Variants in PDXK observed in about 807,000 individuals in gnomAD.
The protein encoded by PDXK is epididymis secretory sperm binding protein Li 1a.
In PDXK, 15 loss-of-function variants were observed where a neutral mutation model predicts 43.2. That is an observed-to-expected ratio of 0.35 (90% CI 0.23 to 0.53). The LOEUF is 0.53. PDXK is among the 20% of genes least tolerant of loss of function. The probability of loss-of-function intolerance (pLI) is 0.92; values close to 1 mark genes in which losing one functional copy is unlikely to be tolerated. For synonymous variants in PDXK, 172 were observed against 165.4 expected, an observed-to-expected ratio of 1.04 and a Z score of -0.31; for missense variants, 343 against 417.0, an observed-to-expected ratio of 0.82 and a Z score of 1.54.
intron 1 of PDXK, among the ~76,000 whole-genome samples, chr21:43,729,328 C>T (rs1356698133): frequency 6.6e-6 from 1 of 152,222 alleles, no homozygotes; most frequent in African/African-American, 2.4e-5. Flanking sequence ...CGTGCTGTCG[C>T]GGGGGCTCCG....
chr21:43,747,798 C>T (rs998746653), intron 5 of PDXK, among the ~76,000 whole-genome samples: 1 of 152,240 alleles, frequency 6.6e-6, no homozygotes, highest in African/African-American at 2.4e-5. Context: ...ACACGAGCTC[C>T]TGTCTCAGAT....
intron 1 of PDXK, among the ~76,000 whole-genome samples, chr21:43,720,966 C>T (rs534656676): frequency 1.2e-4 from 19 of 152,292 alleles, no homozygotes; most frequent in African/African-American, 2.6e-4. Flanking sequence ...CCCAGTGACT[C>T]GAGGGGTGTC....
At chr21:43,740,700 C>T (rs1275140612) in intron 2 of PDXK, among the ~76,000 whole-genome samples, 1 of 151,880 alleles carries the variant, frequency 6.6e-6, no homozygotes, top group Non-Finnish European at 1.5e-5. Context: ...CTGCCTGGGA[C>T]GGACACTTCA....
Position 43,732,236 on chromosome 21 carries a change from C to T in PDXK, c.88-1833C>T, listed in dbSNP as rs115693395. ...TCCAGAGGCATGGTCCGGCACAGAG[C>T]GCTGGCTTCCAGCTGAAGGACATGT... On this transcript the variant is annotated intron_variant, in intron 1 of 10. Transcript: ENST00000291565. The surrounding 1 kb of genome is among the most constrained non-coding windows in gnomAD (Gnocchi z 4.1). 3,388 of 1,462,772 alleles carry T rather than the reference C, an allele frequency of 2.3e-3. 67 individuals are homozygous for T. The African/African-American group carries it at 0.038, about 17-fold the overall frequency. 90.6% of individuals were successfully genotyped at this position (1,462,772 alleles called of 1,614,324 possible). A position where few individuals can be genotyped will look rare whatever the true frequency, so the allele number is the denominator to read the frequency against.
At chr21:43,750,837 CGT>C (rs200540030) in intron 7 of PDXK, among the ~76,000 whole-genome samples, 2,431 of 146,176 alleles carry the variant, frequency 0.017, 30 homozygotes, top group Middle Eastern at 0.071. Flanking sequence ...CATGTGTGCA[CGT>C]GTGTGTGTGC....
At position 43,732,040 on chromosome 21, in the gene PDXK, T is replaced by A. The variant is rs1237659677; in HGVS notation, c.88-2029T>A. 2.0e-5 allele frequency: 12 copies of A among 601,762 alleles called. No individual in the cohort carries two copies. Among genetic ancestry groups the A allele is most frequent in the Non-Finnish European group, 2.4e-5 (11 of 449,328 alleles). The allele number at this position is 601,762 out of a possible 1,614,324, so 37.3% of individuals were successfully genotyped here. A position where few individuals can be genotyped will look rare whatever the true frequency, so the allele number is the denominator to read the frequency against. ...GGGAAAGCCACAAAGTGGATTCCGC[T>A]GCTGCTATGGGAAGGGACGGTCACT... is the stretch of plus-strand genomic sequence containing the variant. On this transcript the variant is annotated intron_variant, in intron 1 of 10. Transcript: ENST00000291565. The surrounding 1 kb of genome is among the most constrained non-coding windows in gnomAD (Gnocchi z 4.1).
intron 1 of PDXK, chr21:43,728,605 C>T: frequency 1.9e-6 from 1 of 533,848 alleles, no homozygotes. Context: ...GGCTGTCTGC[C>T]TGTCTGCCTC....
At chr21:43,750,288 G>A (rs1320812243) in intron 6 of PDXK, among the ~76,000 whole-genome samples, 1 of 152,262 alleles carries the variant, frequency 6.6e-6, no homozygotes, top group Non-Finnish European at 1.5e-5. Flanking sequence ...CCATGATTGG[G>A]CCTTACGTGA....
Position 43,737,468 on chromosome 21 carries a change from T to A in PDXK, c.142+3345T>A. 2 of 1,067,614 alleles carry A rather than the reference T, an allele frequency of 1.9e-6. No individual in the cohort carries two copies. Among genetic ancestry groups the A allele is most frequent in the Non-Finnish European group, 2.3e-6 (2 of 877,836 alleles). 66.1% of individuals were successfully genotyped at this position (1,067,614 alleles called of 1,614,324 possible). A position where few individuals can be genotyped will look rare whatever the true frequency, so the allele number is the denominator to read the frequency against. On this transcript the variant is annotated intron_variant, in intron 2 of 10. Transcript: ENST00000291565. The surrounding 1 kb of genome is among the most constrained non-coding windows in gnomAD (Gnocchi z 4.8). Reference sequence around the variant, plus strand: ...AGAGGATTTCCTGGAGCTCCCTGTCTGAGCTTCCCGGACTGAGGGCACTGG... The same window carrying A: ...AGAGGATTTCCTGGAGCTCCCTGTCAGAGCTTCCCGGACTGAGGGCACTGG...
intron 6 of PDXK, among the ~76,000 whole-genome samples, chr21:43,749,854 C>T (rs1236209963): frequency 2.0e-5 from 3 of 152,192 alleles, no homozygotes; most frequent in East Asian, 1.9e-4. Context: ...CTGTCTGATA[C>T]CGAGTTTGAA....
rs1353399959 is a variant in PDXK at position 43,756,438 on chromosome 21, G to GC, written c.*376dup. 1.0e-5 allele frequency: 2 copies of GC among 194,530 alleles called. No homozygotes were observed. The highest frequency in any genetic ancestry group is 4.7e-5 in the African/African-American group (2 of 42,490). 12.1% of individuals were successfully genotyped at this position (194,530 alleles called of 1,614,324 possible). ...GCCACTACCGTACAGAGGCCGTGTC[G>GC]CGCTGGGCTGGGCCTGGGTGGCCTC... On this transcript the variant is annotated 3_prime_UTR_variant, in exon 11 of 11. Transcript: ENST00000291565.
intron 1 of PDXK, among the ~76,000 whole-genome samples, 200 bp from the exon 2 acceptor site, chr21:43,733,869 C>T (rs976181407): frequency 6.6e-6 from 1 of 152,250 alleles, no homozygotes; most frequent in Non-Finnish European, 1.5e-5. Context: ...TCCAGACACA[C>T]AAGGCCCTGC....
intron 7 of PDXK, among the ~76,000 whole-genome samples, 174 bp from the exon 8 acceptor site, chr21:43,752,344 T>C (rs1403978763): frequency 6.6e-6 from 1 of 152,192 alleles, no homozygotes; most frequent in Non-Finnish European, 1.5e-5. Flanking sequence ...ACCAGGTGGC[T>C]GTCTTCCCTC....
At chr21:43,733,547 T>C in intron 1 of PDXK, 1 of 539,206 alleles carries the variant, frequency 1.9e-6, no homozygotes, top group Non-Finnish European at 2.4e-6. Context: ...CCTCCCTCTC[T>C]GTCCTCACAC....
rs199919907 is a variant in PDXK, at chr21:43,732,405, C to T, written c.88-1664C>T. ...GGGTAGACTCTGGAAGCGTCCAGAC[C>T]AGCTTGCGATGCTGATGAATAAGCT... On this transcript the variant is annotated intron_variant, in intron 1 of 10. Transcript: ENST00000291565. This position sits in a 1 kb window ranked among gnomAD's most constrained non-coding sequence, Gnocchi z 4.1. The T allele has an allele frequency of 4.3e-6, 7 of 1,612,740 alleles. No homozygotes were observed. The African/African-American group carries it at 8.0e-5, about 18-fold the overall frequency.
rs2083425420 is a variant in PDXK, at chr21:43,737,515, G to A, written c.142+3392G>A. The A allele has an allele frequency of 1.9e-6, 2 of 1,028,204 alleles. No individual in the cohort carries two copies. The highest frequency in any genetic ancestry group is 1.0e-4 in the East Asian group (1 of 9,744). The allele number at this position is 1,028,204 out of a possible 1,614,324, so 63.7% of individuals were successfully genotyped here. ...CTGGGAAGGAGCCTGCGGAGCTGGA[G>A]GTCAGCGGGTGGACGGGTTGCGCTG... On this transcript the variant is annotated intron_variant, in intron 2 of 10. Transcript: ENST00000291565. This position sits in a 1 kb window ranked among gnomAD's most constrained non-coding sequence, Gnocchi z 4.8.
intron 1 of PDXK, chr21:43,719,840 C>T (rs1601774518): frequency 1.4e-5 from 14 of 985,370 alleles, no homozygotes; most frequent in African/African-American, 1.7e-5. Context: ...CGCTCGCGCG[C>T]TCACCTCCTG....
intron 7 of PDXK, 67 bp from the exon 8 acceptor site, chr21:43,752,451 G>C: frequency 9.5e-7 from 1 of 1,054,384 alleles, no homozygotes; most frequent in South Asian, 1.3e-5. Flanking sequence ...GGATCGGGGA[G>C]TGGGGTGTGA....
chr21:43,748,208 G>A (rs2083671070), intron 5 of PDXK, among the ~76,000 whole-genome samples: 1 of 152,194 alleles, frequency 6.6e-6, no homozygotes, highest in Admixed American at 6.6e-5. Context: ...AAAACCATGT[G>A]TTGCCTGGCA....
Sources: gnomAD v4.1 joint callset for allele counts (sites outside exome capture counted in the v4.1 genomes callset) on GRCh38, gnomAD v4.1.1 for gene constraint, Gnocchi (gnomAD v3.1) non-coding constraint, MANE v1.5 for transcripts, NCBI Gene and HGNC (gene_info 2026-07-23, HGNC 2026-07-21) for gene names.